The following RBMS3 variants were observed in gnomAD, a reference collection of about 807,000 sequenced individuals.
The protein encoded by RBMS3 is RNA binding motif single stranded interacting protein 3, also known as RNA-binding motif, single-stranded-interacting protein 3.
Under a neutral mutation model 66.8 loss-of-function variants are expected in RBMS3, and 27 were observed. The ratio of observed to expected loss-of-function variants is 0.40; its 90% CI spans 0.30 to 0.56. RBMS3 has a LOEUF of 0.56. Among genes scored for constraint, RBMS3 ranks in the 20% least tolerant of loss-of-function variants. RBMS3 has a pLI of 0.40. For missense variants in RBMS3, 513 were observed against 549.5 expected (o/e 0.93, Z 0.66); for synonymous variants, 188 against 183.0 (o/e 1.03, Z -0.22).
chr3:29,796,762 G>C (rs950191709), intron 6 of RBMS3, among the ~76,000 whole-genome samples: 1 of 139,828 alleles, frequency 7.2e-6, no homozygotes, highest in East Asian at 2.0e-4. Flanking sequence ...ACCCAGGCTG[G>C]AGTGAAATGG....
At chr3:29,835,188 T>C (rs2058472875) in intron 6 of RBMS3, among the ~76,000 whole-genome samples, 1 of 152,006 alleles carries the variant, frequency 6.6e-6, no homozygotes, top group South Asian at 2.1e-4. Context: ...GCAATAATAG[T>C]AGGGAACTTC....
intron 12 of RBMS3, among the ~76,000 whole-genome samples, chr3:29,962,052 G>C (rs1696497140): frequency 7.1e-6 from 1 of 141,386 alleles, no homozygotes. Context: ...TTATATATGT[G>C]TATATATAAT....
At chr3:29,509,058 T>G (rs2044294019) in intron 3 of RBMS3, among the ~76,000 whole-genome samples, 1 of 151,892 alleles carries the variant, frequency 6.6e-6, no homozygotes, top group South Asian at 2.1e-4. Flanking sequence ...TTTTTTTTTT[T>G]GTAAGTTTGT....
intron 1 of RBMS3, among the ~76,000 whole-genome samples, chr3:29,397,814 G>C (rs908272317): frequency 6.6e-6 from 1 of 152,080 alleles, no homozygotes; most frequent in Non-Finnish European, 1.5e-5. Context: ...CTCCCGAGCA[G>C]CTGGAACTAT....
At chr3:29,602,865 G>T (rs758227771) in intron 4 of RBMS3, among the ~76,000 whole-genome samples, 3 of 151,918 alleles carry the variant, frequency 2.0e-5, no homozygotes, top group African/African-American at 7.2e-5. Flanking sequence ...CAGATATCAG[G>T]ACAGCCTTGT....
intron 1 of RBMS3, among the ~76,000 whole-genome samples, chr3:29,322,580 A>G (rs1030688845): frequency 2.6e-5 from 4 of 152,008 alleles, no homozygotes; most frequent in Non-Finnish European, 4.4e-5. Flanking sequence ...TAAAGTACCT[A>G]GTCCAGATCA....
At chr3:29,607,405 C>T (rs2048349945) in intron 4 of RBMS3, among the ~76,000 whole-genome samples, 1 of 151,866 alleles carries the variant, frequency 6.6e-6, no homozygotes, top group Non-Finnish European at 1.5e-5. Flanking sequence ...TGGAGCCTTC[C>T]AGCTGTGTCC....
Position 29,560,851 on chromosome 3 carries a change from G to A in RBMS3, c.308-26263G>A, listed in dbSNP as rs572786560. Among the ~76,000 whole-genome samples the A allele has an allele frequency of 8.7e-4, 133 of 152,272 alleles. 1 individual carries two copies. Among genetic ancestry groups the A allele is most frequent in the African/African-American group, 3.1e-3 (130 of 41,558 alleles). On this transcript the variant is annotated intron_variant, in intron 3 of 14. Coordinates refer to ENST00000383767, the MANE Select transcript of RBMS3 (RefSeq NM_001003793.3). ...TTTTGACACCCAGATATTAAGCCTA[G>A]TACCCATTAGTTATTTTTCCTGGTT... is the stretch of plus-strand genomic sequence containing the variant.
intron 4 of RBMS3, among the ~76,000 whole-genome samples, chr3:29,704,785 A>C (rs1271390943): frequency 2.0e-5 from 3 of 152,244 alleles, no homozygotes; most frequent in Admixed American, 1.3e-4. Context: ...GAAGGGAAGA[A>C]TGCAGATTTT....
Position 29,936,183 on chromosome 3 carries a change from G to A in RBMS3, c.1037G>A (p.Gly346Asp), listed in dbSNP as rs868848896. Residue 346 changes from glycine to aspartate, a missense_variant, in exon 11 of 15, where the codon GGC becomes GAC. By Grantham distance (94) the Gly-to-Asp change is moderately conservative. Transcript: ENST00000383767. ...CAGCAGATGAATCACCTTTCGTTGGGCACAACAGGAACGGTGAGTTGAAGA... is the reference window on the plus strand; with the variant it reads ...CAGCAGATGAATCACCTTTCGTTGGACACAACAGGAACGGTGAGTTGAAGA... Reference protein sequence around the residue: ...LTQQMNHLSLGTTGTIQSQDR... With the variant: ...LTQQMNHLSLDTTGTIQSQDR... 1.2e-6 allele frequency: 2 copies of A among 1,612,700 alleles called. No homozygotes were observed. Among genetic ancestry groups the A allele is most frequent in the South Asian group, 1.1e-5 (1 of 90,848 alleles).
chr3:29,593,020 AG>A (rs375983432), intron 4 of RBMS3, among the ~76,000 whole-genome samples: 16,406 of 50,536 alleles, frequency 0.32, 1,302 homozygotes, highest in East Asian at 0.5. Flanking sequence ...GGATTGGGGG[AG>A]GGGGGAGGGG....
chr3:29,869,061 C>T, intron 7 of RBMS3, 97 bp downstream of exon 7: 1 of 949,958 alleles, frequency 1.1e-6, no homozygotes, highest in Non-Finnish European at 1.6e-6. Flanking sequence ...GAAATTGGGT[C>T]CCATGGAACA....
intron 2 of RBMS3, among the ~76,000 whole-genome samples, chr3:29,439,400 G>A (rs1351969944): frequency 2.0e-5 from 3 of 152,138 alleles, no homozygotes; most frequent in Non-Finnish European, 4.4e-5. Context: ...AATGCTTTTT[G>A]TTCAGAGAAG....
intron 1 of RBMS3, among the ~76,000 whole-genome samples, chr3:29,309,868 G>T (rs911864819): frequency 1.3e-5 from 2 of 151,584 alleles, no homozygotes; most frequent in Non-Finnish European, 3.0e-5. Context: ...ACTCAGAAGT[G>T]AGAACTAGAG....
intron 1 of RBMS3, among the ~76,000 whole-genome samples, chr3:29,299,246 G>A (rs1041326024): frequency 6.6e-6 from 1 of 151,864 alleles, no homozygotes; most frequent in Non-Finnish European, 1.5e-5. Context: ...TTGGAATTGA[G>A]AAGGGACAAT....
chr3:29,468,090 A>G (rs990543207), intron 2 of RBMS3, among the ~76,000 whole-genome samples: 3 of 152,184 alleles, frequency 2.0e-5, no homozygotes, highest in Non-Finnish European at 2.9e-5. Flanking sequence ...GGTCTCATCT[A>G]TATAAATGTA....
At chr3:29,859,155 A>G (rs2149531539) in intron 6 of RBMS3, among the ~76,000 whole-genome samples, 1 of 152,324 alleles carries the variant, frequency 6.6e-6, no homozygotes, top group East Asian at 1.9e-4. Context: ...AGGCGTAAAC[A>G]TGAGCCTGAC....
chr3:29,304,053 A>G (rs1175636671), intron 1 of RBMS3, among the ~76,000 whole-genome samples: 1 of 151,992 alleles, frequency 6.6e-6, no homozygotes, highest in Non-Finnish European at 1.5e-5. Flanking sequence ...CTCCCACAAC[A>G]TATGGGAACT....
At position 29,831,402 on chromosome 3, in the gene RBMS3, T is replaced by G. The variant is rs78451776; in HGVS notation, c.638-37456T>G. Among the ~76,000 whole-genome samples the G allele has an allele frequency of 9.4e-3, 1,432 of 152,090 alleles. 24 individuals carry two copies. The highest frequency in any genetic ancestry group is 0.033 in the African/African-American group (1,374 of 41,494). ...AGTGTTCTTGGCTACAAAATAAAAA[T>G]GAAGGAAAAAATAATGTGTGAAGCA... On this transcript the variant is annotated intron_variant, in intron 6 of 14. Coordinates refer to ENST00000383767, the MANE Select transcript of RBMS3 (RefSeq NM_001003793.3).
Sources: gnomAD v4.1 joint callset for allele counts (sites outside exome capture counted in the v4.1 genomes callset) on GRCh38, gnomAD v4.1.1 for gene constraint, MANE v1.5 for transcripts, NCBI Gene and HGNC (gene_info 2026-07-23, HGNC 2026-07-21) for gene names.